CRYM: variants seen among roughly 807,000 people sequenced by gnomAD.
The protein encoded by CRYM is ketimine reductase mu-crystallin.
A neutral mutation model predicts 32.9 loss-of-function variants in CRYM; 18 were observed. The ratio of observed to expected loss-of-function variants is 0.55; its 90% confidence interval spans 0.38 to 0.81. The LOEUF (loss-of-function observed/expected upper bound fraction) is 0.81, where lower values mean the gene tolerates loss of function less well. CRYM is among the 30% of genes least tolerant of loss of function. The pLI, the probability that CRYM is intolerant of heterozygous loss-of-function variation, is 0.00. For missense variants in CRYM, 337 were observed against 393.5 expected (o/e 0.86, Z 1.21); for synonymous variants, 153 against 152.4 (o/e 1.00, Z -0.03).
chr16:21,266,857 A>AT (rs756201084), intron 5 of CRYM, among the ~76,000 whole-genome samples: 33 of 151,934 alleles, frequency 2.2e-4, no homozygotes, highest in Non-Finnish European at 4.4e-4. Flanking sequence ...ATTACAAAAA[A>AT]TTAGCTGGGC....
chr16:21,267,710 T>A lies in CRYM; in HGVS notation c.517A>T (p.Asn173Tyr), dbSNP rs775801182. The A allele has an allele frequency of 1.2e-6, 2 of 1,614,226 alleles. No homozygotes were observed. The highest frequency in any genetic ancestry group is 3.3e-5 in the Admixed American group (2 of 60,020). The change falls in exon 5 of 8, where the codon AAT (asparagine) becomes TAT (tyrosine). Residue 173 changes from asparagine (N) to tyrosine (Y), a missense_variant. Coordinates refer to ENST00000572914, the MANE Select transcript of CRYM (RefSeq NM_001376256.1). Reference sequence around the variant, plus strand: ...ACTGTGTCTGCAAACTTCTCTGCATTTTCTTTGGTGCGGTTCCATATCCTC... The same window carrying A: ...ACTGTGTCTGCAAACTTCTCTGCATATTCTTTGGTGCGGTTCCATATCCTC... ...EVRIWNRTKE[N>Y]AEKFADTVQG...
chr16:21,265,285 C>T (rs970534427), intron 5 of CRYM, among the ~76,000 whole-genome samples: 2 of 152,196 alleles, frequency 1.3e-5, no homozygotes, highest in African/African-American at 2.4e-5. Flanking sequence ...GCCATGTTCG[C>T]TTCCACACTC....
chr16:21,300,465 G>A (rs1359439918), intron 1 of CRYM: 1 of 141,798 alleles, frequency 7.1e-6, no homozygotes, highest in Non-Finnish European at 1.5e-5. Context: ...CTAACCCAGA[G>A]AAATCATCCA....
rs375206339 is a variant in CRYM, at chr16:21,278,262, G to A, written c.-11C>T. 156 of 1,582,624 alleles carry A rather than the reference G, an allele frequency of 9.9e-5. 2 individuals are homozygous for A. Among genetic ancestry groups the A allele is most frequent in the South Asian group, 4.2e-4 (37 of 87,102 alleles). On this transcript the variant is annotated 5_prime_UTR_variant, in exon 1 of 8. Coordinates refer to ENST00000572914, the MANE Select transcript of CRYM (RefSeq NM_001376256.1). Reference sequence around the variant, plus strand: ...TGGTACCCGGCTCATCTCGCCACCTGTGCCTTCTAACCTCAGTCTCCGCAC... The same window carrying A: ...TGGTACCCGGCTCATCTCGCCACCTATGCCTTCTAACCTCAGTCTCCGCAC...
intron 5 of CRYM, among the ~76,000 whole-genome samples, chr16:21,264,752 A>G (rs2093360739): frequency 6.6e-6 from 1 of 152,168 alleles, no homozygotes; most frequent in South Asian, 2.1e-4. Context: ...GAGGGATCCA[A>G]CATAAGGGAG....
intron 1 of CRYM, among the ~76,000 whole-genome samples, chr16:21,291,688 A>G (rs544070462): frequency 2.6e-5 from 4 of 152,144 alleles, no homozygotes; most frequent in African/African-American, 9.6e-5. Flanking sequence ...ACATCTTTGC[A>G]TGTGCTTATT....
chr16:21,266,364 A>T (rs2093363637), intron 5 of CRYM, among the ~76,000 whole-genome samples: 1 of 152,220 alleles, frequency 6.6e-6, no homozygotes, highest in Admixed American at 6.5e-5. Flanking sequence ...ATTAAATGAC[A>T]TTATACATAG....
chr16:21,267,603 T>G lies in CRYM; in HGVS notation c.624A>C (p.Thr208=). ...CCCATTCACCAAACAAAATGGGCTC[T>G]GTTGCCAGGGTGACTGTGATGATCA... is the stretch of plus-strand genomic sequence containing the variant. ...ADVIITVTLA[T]EPILFGEWVK... is the part of the protein sequence containing the mutation. The change falls in exon 5 of 8, where the codon ACA becomes ACC. Residue 208 remains threonine, a synonymous_variant. Coordinates refer to ENST00000572914, the MANE Select transcript of CRYM (RefSeq NM_001376256.1). 1 of 1,614,212 alleles carries G rather than the reference T, an allele frequency of 6.2e-7. No homozygotes were observed. Among genetic ancestry groups the G allele is most frequent in the Non-Finnish European group, 8.5e-7 (1 of 1,180,024 alleles).
intron 1 of CRYM, among the ~76,000 whole-genome samples, chr16:21,293,769 TAGA>T (rs890946834): frequency 7.9e-5 from 12 of 152,294 alleles, no homozygotes; most frequent in African/African-American, 2.2e-4. Flanking sequence ...ACTGTATTAA[TAGA>T]AGAAGATGAA....
chr16:21,279,705 A>G (rs540518993), upstream of CRYM, among the ~76,000 whole-genome samples: 3 of 152,354 alleles, frequency 2.0e-5, no homozygotes, highest in East Asian at 5.8e-4. Flanking sequence ...AAGAGGCAGG[A>G]CTGCTGAAGT....
rs1186478995 is a variant in CRYM, at chr16:21,295,484, T to C, written c.-193+7494A>G. ...CATAAATGTCTTCTTTTTAGAAGTGTCTGTCATATCCCTTGCTCACTTTTT... is the reference window on the plus strand; with the variant it reads ...CATAAATGTCTTCTTTTTAGAAGTGCCTGTCATATCCCTTGCTCACTTTTT... On this transcript the variant is annotated intron_variant, in intron 1 of 9. Transcript: ENST00000219599. Among the ~76,000 whole-genome samples, 4 of 152,252 alleles carry C rather than the reference T, an allele frequency of 2.6e-5. No homozygotes were observed. In the East Asian group the frequency reaches 7.7e-4, roughly 29 times the overall value.
chr16:21,269,902 G>C lies in CRYM; in HGVS notation c.388-11C>G. 1 of 1,598,024 alleles carries C rather than the reference G, an allele frequency of 6.3e-7. No individual in the cohort carries two copies. Among genetic ancestry groups the C allele is most frequent in the South Asian group, 1.1e-5 (1 of 90,718 alleles). ...GGGAGGTTTCAGAAACTATATGAGA[G>C]AAATGAAGTGGCAAAGGTCAAGGGA... On this transcript the variant is annotated splice_polypyrimidine_tract_variant and intron_variant, in intron 3 of 7. Transcript: ENST00000572914.
Position 21,278,108 on chromosome 16 carries a change from G to C in CRYM, c.144C>G (p.Thr48=), listed in dbSNP as rs750687626. ...CCCTGTGCTTGGTCACCGGCACCAC[G>C]GTGCGCACGGGCTGCATGACCCCTC... The part of the protein sequence containing the change: ...PEGGVMQPVR[T]VVPVTKHRGY... Residue 48 remains threonine, a synonymous_variant, in exon 1 of 8, where the codon ACC becomes ACG. Coordinates refer to ENST00000572914, the MANE Select transcript of CRYM (RefSeq NM_001376256.1). 38 of 1,547,812 alleles carry C rather than the reference G, an allele frequency of 2.5e-5. No homozygotes were observed. The Middle Eastern group carries it at 5.8e-4, about 23-fold the overall frequency.
intron 7 of CRYM, among the ~76,000 whole-genome samples, chr16:21,260,411 T>C (rs2093352288): frequency 6.6e-6 from 1 of 152,168 alleles, no homozygotes. Context: ...GTGATTCTCC[T>C]GCCTCAACCT....
At chr16:21,260,060 A>G (rs2093351435) in intron 7 of CRYM, among the ~76,000 whole-genome samples, 1 of 152,164 alleles carries the variant, frequency 6.6e-6, no homozygotes, top group African/African-American at 2.4e-5. Flanking sequence ...CCAGTGCATG[A>G]GAGATTTTAA....
upstream of CRYM, among the ~76,000 whole-genome samples, chr16:21,281,404 C>G (rs1049558371): frequency 2.0e-5 from 3 of 151,836 alleles, no homozygotes; most frequent in Admixed American, 6.6e-5. Context: ...TTTGTACTTT[C>G]AGTAGAGATG....
At chr16:21,278,378 G>A, upstream of CRYM, 4 of 1,244,470 alleles carry the variant, frequency 3.2e-6, no homozygotes, top group Non-Finnish European at 4.5e-6. Context: ...CTCCGGGGGC[G>A]GAGCAACCCC....
At chr16:21,281,026 A>C (rs567580204), upstream of CRYM, among the ~76,000 whole-genome samples, 31 of 151,284 alleles carry the variant, frequency 2.0e-4, no homozygotes, top group Middle Eastern at 3.4e-3. Flanking sequence ...AATTGCTTGA[A>C]CCAGGGAGGT....
At chr16:21,278,627 G>A (rs543891087), upstream of CRYM, 3 of 284,796 alleles carry the variant, frequency 1.1e-5, no homozygotes, top group East Asian at 9.3e-5. Flanking sequence ...CTAGGTCACC[G>A]TGCCTGGGAA....
Sources: gnomAD v4.1 joint callset for allele counts (sites outside exome capture counted in the v4.1 genomes callset) on GRCh38, gnomAD v4.1.1 for gene constraint, MANE v1.5 for transcripts, NCBI Gene and HGNC (gene_info 2026-07-23, HGNC 2026-07-21) for gene names.